GRM5: variants seen among roughly 807,000 people sequenced by gnomAD.
GRM5 encodes metabotropic glutamate receptor 5.
GRM5 carries 19 observed loss-of-function variants against 83.1 expected under a neutral mutation model. The observed-to-expected ratio is 0.23, with a 90% CI of 0.16 to 0.34. The LOEUF (loss-of-function observed/expected upper bound fraction) is 0.34. GRM5 is among the 10% of genes least tolerant of loss of function. GRM5 has a pLI of 1.00. For synonymous variants in GRM5, 675 were observed against 633.6 expected, an observed-to-expected ratio of 1.07 and a Z score of -0.98; for missense variants, 1,160 against 1,588.3, an observed-to-expected ratio of 0.73 and a Z score of 4.58.
intron 3 of GRM5, among the ~76,000 whole-genome samples, chr11:88,717,851 A>T (rs113404560): frequency 9.9e-6 from 1 of 100,794 alleles, no homozygotes; most frequent in Admixed American, 9.7e-5. Flanking sequence ...CTGTTTTCAT[A>T]TTTTCTATAA....
intron 6 of GRM5, among the ~76,000 whole-genome samples, chr11:88,593,740 C>T (rs1456051473): frequency 6.8e-6 from 1 of 146,974 alleles, no homozygotes; most frequent in Non-Finnish European, 1.5e-5. Context: ...TTCCCTCCCT[C>T]CCTCCTTCGC....
intron 5 of GRM5, among the ~76,000 whole-genome samples, chr11:88,597,730 G>A (rs1391171395): frequency 6.6e-6 from 1 of 152,102 alleles, no homozygotes; most frequent in Non-Finnish European, 1.5e-5. Flanking sequence ...CTAACCAAGT[G>A]AGAAATTTGG....
intron 4 of GRM5, among the ~76,000 whole-genome samples, chr11:88,616,805 C>T (rs988456965): frequency 1.3e-5 from 2 of 152,128 alleles, no homozygotes; most frequent in Admixed American, 6.6e-5. Context: ...TGCCTGTTTA[C>T]ATAACTATCT....
At position 88,604,707 on chromosome 11, in the gene GRM5, T is replaced by G; in HGVS notation, c.1394+11A>C. Reference sequence around the variant, plus strand: ...GTCTCTACTCTGCAGAGGAGAATTGTAACACAATACCTTCCTGGAGAGTCT... The same window carrying G: ...GTCTCTACTCTGCAGAGGAGAATTGGAACACAATACCTTCCTGGAGAGTCT... On this transcript the variant is annotated intron_variant, in intron 5 of 9. Coordinates refer to ENST00000305447, the MANE Select transcript of GRM5 (RefSeq NM_001143831.3). 1.2e-6 allele frequency: 2 copies of G among 1,605,960 alleles called. No homozygotes were observed. The highest frequency in any genetic ancestry group is 4.5e-5 in the East Asian group (2 of 44,842).
intron 3 of GRM5, among the ~76,000 whole-genome samples, chr11:88,662,716 C>T (rs533137912): frequency 3.3e-5 from 5 of 152,202 alleles, no homozygotes; most frequent in Admixed American, 6.5e-5. Context: ...GGAGAATCTC[C>T]GTTGTTGGCT....
At chr11:88,880,723 CA>C (rs1357004137) in intron 2 of GRM5, among the ~76,000 whole-genome samples, 1 of 152,046 alleles carries the variant, frequency 6.6e-6, no homozygotes, top group East Asian at 1.9e-4. Flanking sequence ...AAATCTTAAG[CA>C]AATAGAATGT....
rs184683452 is a variant in GRM5 at position 88,804,601 on chromosome 11, G to A, written c.911+45305C>T. Among the ~76,000 whole-genome samples, 683 of 151,968 alleles carry A rather than the reference G, an allele frequency of 4.5e-3. 4 individuals carry two copies. The highest frequency in any genetic ancestry group is 0.016 in the African/African-American group (647 of 41,376). ...ACCTAATGCTAAATGACGAGTTAATGGGTGCAGCACACCAGCATGGCACAT... is the reference window on the plus strand; with the variant it reads ...ACCTAATGCTAAATGACGAGTTAATAGGTGCAGCACACCAGCATGGCACAT... On this transcript the variant is annotated intron_variant, in intron 3 of 9. Coordinates refer to ENST00000305447, the MANE Select transcript of GRM5 (RefSeq NM_001143831.3).
intron 5 of GRM5, among the ~76,000 whole-genome samples, chr11:88,602,357 G>A (rs1938023041): frequency 6.6e-6 from 1 of 152,172 alleles, no homozygotes; most frequent in Non-Finnish European, 1.5e-5. Flanking sequence ...ATTGGGTACT[G>A]ATAGTAGACT....
At chr11:88,884,454 T>C (rs1385673185) in intron 2 of GRM5, among the ~76,000 whole-genome samples, 2 of 152,188 alleles carry the variant, frequency 1.3e-5, no homozygotes, top group African/African-American at 4.8e-5. Context: ...GGAAGGAACA[T>C]GCCTTGTCTC....
intron 3 of GRM5, among the ~76,000 whole-genome samples, chr11:88,668,638 A>G (rs1336880574): frequency 1.3e-5 from 2 of 152,122 alleles, no homozygotes; most frequent in Non-Finnish European, 2.9e-5. Context: ...AAAAATTATT[A>G]TTGTTATTAT....
At chr11:88,601,671 T>A (rs1938002830) in intron 5 of GRM5, among the ~76,000 whole-genome samples, 1 of 152,170 alleles carries the variant, frequency 6.6e-6, no homozygotes, top group African/African-American at 2.4e-5. Context: ...TTGCTTTAAT[T>A]AGTTAGTTGT....
At chr11:88,566,195 C>T (rs945642482) in intron 8 of GRM5, among the ~76,000 whole-genome samples, 1 of 152,170 alleles carries the variant, frequency 6.6e-6, no homozygotes, top group Non-Finnish European at 1.5e-5. Context: ...GATACTTAGT[C>T]CCAGTTATCA....
chr11:88,889,369 G>A (rs1164064762), intron 2 of GRM5, among the ~76,000 whole-genome samples: 1 of 152,082 alleles, frequency 6.6e-6, no homozygotes, highest in Non-Finnish European at 1.5e-5. Flanking sequence ...AAAAAATAGA[G>A]TTCTTTGGGT....
rs183888370 is a variant in GRM5, at chr11:88,578,160, T to C, written c.1691-10168A>G. The stretch of plus-strand genomic sequence containing the variant: ...AATGGTATTATGTTGTCTTAAATTG[T>C]CTGTAAGTACAAGACAGCCCATAAT... On this transcript the variant is annotated intron_variant, in intron 7 of 9. Coordinates refer to ENST00000305447, the MANE Select transcript of GRM5 (RefSeq NM_001143831.3). 2.8e-3 allele frequency among the ~76,000 whole-genome samples: 430 copies of C among 152,222 alleles called. 2 individuals carry two copies. Among genetic ancestry groups the C allele is most frequent in the African/African-American group, 0.01 (418 of 41,562 alleles).
At chr11:88,869,099 G>A (rs905747850) in intron 2 of GRM5, among the ~76,000 whole-genome samples, 3 of 151,670 alleles carry the variant, frequency 2.0e-5, no homozygotes, top group African/African-American at 7.2e-5. Context: ...AGCAAGTTTT[G>A]CTCTGAAGCA....
At chr11:88,777,333 T>A (rs904980919) in intron 3 of GRM5, among the ~76,000 whole-genome samples, 2 of 152,188 alleles carry the variant, frequency 1.3e-5, no homozygotes, top group East Asian at 3.9e-4. Context: ...AGCTAGCCAT[T>A]CATCTTATCT....
intron 3 of GRM5, among the ~76,000 whole-genome samples, chr11:88,672,387 T>G (rs576643216): frequency 3.6e-3 from 546 of 152,024 alleles, no homozygotes; most frequent in Non-Finnish European, 6.0e-3. Context: ...GGTGGAAGAC[T>G]TGAAGAAAGA....
At chr11:88,658,361 C>A (rs1429250844) in intron 3 of GRM5, among the ~76,000 whole-genome samples, 1 of 152,144 alleles carries the variant, frequency 6.6e-6, no homozygotes, top group Non-Finnish European at 1.5e-5. Context: ...ACTGACTGAA[C>A]AAATCACATG....
At chr11:88,574,191 C>CA (rs2135182805) in intron 7 of GRM5, among the ~76,000 whole-genome samples, 1 of 152,256 alleles carries the variant, frequency 6.6e-6, no homozygotes, top group African/African-American at 2.4e-5. Context: ...CACAGTGCCT[C>CA]ACTCATATGG....
Sources: gnomAD v4.1 joint callset for allele counts (sites outside exome capture counted in the v4.1 genomes callset) on GRCh38, gnomAD v4.1.1 for gene constraint, MANE v1.5 for transcripts, NCBI Gene and HGNC (gene_info 2026-07-23, HGNC 2026-07-21) for gene names.